The following IFI16 variants were observed in gnomAD, a reference collection of about 807,000 sequenced individuals.
The protein encoded by IFI16 is gamma-interferon-inducible protein 16.
A neutral mutation model predicts 68.4 loss-of-function variants in IFI16; 49 were observed. The ratio of observed to expected loss-of-function variants is 0.72; its 90% CI spans 0.57 to 0.91. IFI16 has a LOEUF of 0.91. Ranked by LOEUF, IFI16 falls within the 40% of genes least tolerant of loss-of-function variation. The pLI is 0.00. For missense variants in IFI16, 878 were observed against 942.9 expected (o/e 0.93, Z 0.90); for synonymous variants, 307 against 315.0 (o/e 0.97, Z 0.27).
intron 6 of IFI16, among the ~76,000 whole-genome samples, chr1:159,023,553 T>C (rs1388417919): frequency 6.6e-6 from 1 of 152,234 alleles, no homozygotes; most frequent in Non-Finnish European, 1.5e-5. Flanking sequence ...AGGACCTTAA[T>C]AGCATTTATG....
At chr1:159,041,491 T>A (rs1024206216) in intron 7 of IFI16, among the ~76,000 whole-genome samples, 3 of 152,188 alleles carry the variant, frequency 2.0e-5, no homozygotes, top group African/African-American at 2.4e-5. Context: ...GAAGAGCAGA[T>A]AACTATTACC....
chr1:159,024,506 G>A (rs1653529567), intron 6 of IFI16, among the ~76,000 whole-genome samples: 1 of 152,166 alleles, frequency 6.6e-6, no homozygotes, highest in Admixed American at 6.5e-5. Flanking sequence ...AACCTTTTTT[G>A]TGGAAGTCTA....
At chr1:159,028,841 C>A (rs945122129) in intron 6 of IFI16, among the ~76,000 whole-genome samples, 2 of 151,884 alleles carry the variant, frequency 1.3e-5, no homozygotes, top group African/African-American at 4.8e-5. Context: ...TACCCCTTTA[C>A]CTTATGTTTA....
chr1:159,019,608 G>A (rs1339213109), intron 5 of IFI16, among the ~76,000 whole-genome samples: 1 of 152,122 alleles, frequency 6.6e-6, no homozygotes, highest in African/African-American at 2.4e-5. Flanking sequence ...ACAGGCGTGT[G>A]CCATCACGCC....
At chr1:159,045,076 A>G (rs1654893808) in intron 7 of IFI16, among the ~76,000 whole-genome samples, 1 of 151,886 alleles carries the variant, frequency 6.6e-6, no homozygotes, top group African/African-American at 2.4e-5. Context: ...CAGACAATGC[A>G]ATTTCAGTTA....
chr1:159,001,714 C>T (rs1314576528), upstream of IFI16, among the ~76,000 whole-genome samples: 3 of 152,162 alleles, frequency 2.0e-5, no homozygotes, highest in Admixed American at 6.5e-5. Context: ...AACCCTATTA[C>T]GTGCTAACAT....
At chr1:159,001,242 C>A (rs1652047125), upstream of IFI16, among the ~76,000 whole-genome samples, 1 of 152,056 alleles carries the variant, frequency 6.6e-6, no homozygotes, top group East Asian at 1.9e-4. Context: ...TGAACAGGTG[C>A]TCAAAATTAC....
chr1:159,008,472 G>T (rs1046343703), upstream of IFI16, among the ~76,000 whole-genome samples: 5 of 152,130 alleles, frequency 3.3e-5, no homozygotes, highest in Admixed American at 3.3e-4. Context: ...TGCCCTTATA[G>T]GTGACCGCAG....
intron 7 of IFI16, among the ~76,000 whole-genome samples, chr1:159,040,123 G>A (rs1201431231): frequency 2.6e-5 from 4 of 152,318 alleles, no homozygotes; most frequent in South Asian, 2.1e-4. Flanking sequence ...AACCCATGAC[G>A]TATGTCAAGA....
At position 159,010,049 on chromosome 1, in the gene IFI16, T is replaced by C. The variant is rs1157860146; in HGVS notation, c.-133T>C. 3.3e-5 allele frequency: 5 copies of C among 152,206 alleles called. No individual in the cohort carries two copies. The highest frequency in any genetic ancestry group is 1.5e-5 in the Non-Finnish European group (1 of 68,024). The allele number at this position is 152,206 out of a possible 1,614,324, so 9.4% of individuals were successfully genotyped here. The stretch of plus-strand genomic sequence containing the variant: ...TCTGGAGATTACAACATCCTGCGGT[T>C]CCGTTTCTGGGAACTTTACTGATTT... On this transcript the variant is annotated 5_prime_UTR_variant, in exon 1 of 12. Coordinates refer to ENST00000295809, the MANE Select transcript of IFI16 (RefSeq NM_001376587.1).
chr1:159,016,859 C>T (rs1652965182), intron 4 of IFI16, among the ~76,000 whole-genome samples, 159 bp downstream of exon 4: 1 of 152,212 alleles, frequency 6.6e-6, no homozygotes, highest in African/African-American at 2.4e-5. Context: ...CACAGGGATA[C>T]TTGATGAACT....
chr1:159,014,952 G>A lies in IFI16; in HGVS notation c.265+7G>A, dbSNP rs1406930039. ...AAAAAAGAAAAGTTAAAAGGTAATT[G>A]GGAAGAGGGAACACCCACTCCCTGC... On this transcript the variant is annotated splice_region_variant and intron_variant, in intron 2 of 11. Coordinates refer to ENST00000295809, the MANE Select transcript of IFI16 (RefSeq NM_001376587.1). 6.3e-7 allele frequency: 1 copy of A among 1,595,746 alleles called. No homozygotes were observed. Among genetic ancestry groups the A allele is most frequent in the Non-Finnish European group, 8.5e-7 (1 of 1,171,572 alleles).
intron 7 of IFI16, among the ~76,000 whole-genome samples, chr1:159,041,029 A>G (rs1230301073): frequency 6.6e-6 from 1 of 152,218 alleles, no homozygotes; most frequent in Non-Finnish European, 1.5e-5. Context: ...GAGGAGGTCC[A>G]CGAGAGTGGC....
chr1:159,033,542 C>A (rs1041193777), intron 7 of IFI16, among the ~76,000 whole-genome samples: 1 of 152,164 alleles, frequency 6.6e-6, no homozygotes, highest in Non-Finnish European at 1.5e-5. Flanking sequence ...TTCTTCATAA[C>A]CATCAGGAGG....
At chr1:159,047,774 A>G (rs944332416) in intron 8 of IFI16, among the ~76,000 whole-genome samples, 5 of 149,152 alleles carry the variant, frequency 3.4e-5, no homozygotes, top group East Asian at 2.0e-4. Context: ...TAGTTTTTCT[A>G]TAATAGAGTT....
At position 159,028,423 on chromosome 1, in the gene IFI16, G is replaced by A. The variant is rs1487400185; in HGVS notation, c.1162-4101G>A. 2.0e-5 allele frequency among the ~76,000 whole-genome samples: 3 copies of A among 151,638 alleles called. No homozygotes were observed. The East Asian group carries it at 5.8e-4, about 29-fold the overall frequency. ...TTTTTAAATTTTTGAGACTTGTTTTGTGGCCTATTATATGGCCTATCTTGG... is the reference window on the plus strand; with the variant it reads ...TTTTTAAATTTTTGAGACTTGTTTTATGGCCTATTATATGGCCTATCTTGG... On this transcript the variant is annotated intron_variant, in intron 6 of 11. Coordinates refer to ENST00000295809, the MANE Select transcript of IFI16 (RefSeq NM_001376587.1).
chr1:159,006,095 CTCT>C (rs1162471038), upstream of IFI16: 1 of 152,282 alleles, frequency 6.6e-6, no homozygotes. Flanking sequence ...AGTGGTCTGC[CTCT>C]TCTTTGGTCT....
intron 8 of IFI16, among the ~76,000 whole-genome samples, chr1:159,048,544 T>G (rs1044655810): frequency 6.6e-6 from 1 of 151,514 alleles, no homozygotes; most frequent in Non-Finnish European, 1.5e-5. Flanking sequence ...GGGGTTTATT[T>G]CCATAGTCCA....
At chr1:159,053,789 A>T (rs1655509354) in intron 11 of IFI16, 65 bp downstream of exon 11, 1 of 1,232,748 alleles carries the variant, frequency 8.1e-7, no homozygotes, top group Non-Finnish European at 1.2e-6. Flanking sequence ...CTTTAAGAAG[A>T]CTAGACTGCT....
Sources: allele counts gnomAD v4.1 joint callset (sites outside exome capture counted in the v4.1 genomes callset), GRCh38; gene constraint gnomAD v4.1.1; transcripts MANE v1.5; gene names NCBI Gene and HGNC (gene_info 2026-07-23, HGNC 2026-07-21).